The following EPM2AIP1 variants were observed in gnomAD, a reference collection of about 807,000 sequenced individuals.
The protein encoded by EPM2AIP1 is EPM2A interacting protein 1, also known as EPM2A-interacting protein 1.
In EPM2AIP1, 23 loss-of-function variants were observed where a neutral mutation model predicts 44.8. The ratio of observed to expected loss-of-function variants is 0.51; its 90% CI spans 0.37 to 0.73. The LOEUF (loss-of-function observed/expected upper bound fraction) is 0.73. Among genes scored for constraint, EPM2AIP1 ranks in the 30% least tolerant of loss-of-function variants. The pLI, the probability that EPM2AIP1 is intolerant of heterozygous loss-of-function variation, is 0.00. For synonymous variants in EPM2AIP1, 311 were observed against 284.3 expected (o/e 1.09, Z -0.94); for missense variants, 652 against 743.9 (o/e 0.88, Z 1.44).
rs909652115 is a variant in EPM2AIP1, at chr3:36,991,371, G to A, written c.1707C>T (p.His569=). ...KAFSYLTRNQ[H]TLSQPLTDEH... is the part of the protein sequence containing the mutation. ...CATCTGTTAATGGCTGACTCAAAGT[G>A]TGTTGGTTTCGAGTCAAATATGAAA... Residue 569 remains histidine (H), a synonymous_variant, in exon 1 of 1, where the codon CAC becomes CAT. Coordinates refer to ENST00000322716, the MANE Select transcript of EPM2AIP1 (RefSeq NM_014805.4). 6.2e-7 allele frequency: 1 copy of A among 1,614,024 alleles called. No homozygotes were observed. The highest frequency in any genetic ancestry group is 8.5e-7 in the Non-Finnish European group (1 of 1,179,898).
At position 36,985,148 on chromosome 3, in the gene EPM2AIP1, C is replaced by T. The variant is rs1014795854; in HGVS notation, c.*6106G>A. ...TGTGATGTAGTCACACAATGGAATA[C>T]TACACAGAAGTAAAACATGAACTGC... On this transcript the variant is annotated 3_prime_UTR_variant, in exon 1 of 1. Transcript: ENST00000322716. 18 of 152,188 alleles carry T rather than the reference C, an allele frequency of 1.2e-4. No homozygotes were observed. Among genetic ancestry groups the T allele is most frequent in the African/African-American group, 4.3e-4 (18 of 41,446 alleles). 9.4% of individuals were successfully genotyped at this position (152,188 alleles called of 1,614,324 possible). A position where few individuals can be genotyped will look rare whatever the true frequency, so the allele number is the denominator to read the frequency against.
chr3:36,992,851 G>C lies in EPM2AIP1; in HGVS notation c.227C>G (p.Ala76Gly), dbSNP rs1456896321. The C allele has an allele frequency of 6.2e-7, 1 of 1,610,628 alleles. No homozygotes were observed. The highest frequency in any genetic ancestry group is 2.2e-5 in the East Asian group (1 of 44,862). The change falls in exon 1 of 1, where the codon GCC becomes GGC. Residue 76 changes from alanine to glycine, a missense_variant. Physicochemically the swap from Ala to Gly is moderately conservative, Grantham distance 60. Coordinates refer to ENST00000322716, the MANE Select transcript of EPM2AIP1 (RefSeq NM_014805.4). The surrounding 1 kb of genome is among the most constrained non-coding windows in gnomAD (Gnocchi z 5.3). ...ERYVADGERA[A>G]LVERLRQGDL... ...GCCCTGACGCAGACGCTCCACCAGG[G>C]CCGCGCGCTCGCCGTCCGCCACATA... is the stretch of plus-strand genomic sequence containing the variant.
In EPM2AIP1 at chr3:36,990,375, C is replaced by T. The variant is rs1426135409; in HGVS notation, c.*879G>A. On this transcript the variant is annotated 3_prime_UTR_variant, in exon 1 of 1. Transcript: ENST00000322716. ...GACAAAAAAGCTAAAATATCTCACACCTCCTAATCCTGGAGTGCAATCTTT... is the reference window on the plus strand; with the variant it reads ...GACAAAAAAGCTAAAATATCTCACATCTCCTAATCCTGGAGTGCAATCTTT... 8 of 980,318 alleles carry T rather than the reference C, an allele frequency of 8.2e-6. No homozygotes were observed. In the South Asian group the frequency reaches 3.3e-4, roughly 41 times the overall value. The allele number at this position is 980,318 out of a possible 1,614,324, so 60.7% of individuals were successfully genotyped here. A position where few individuals can be genotyped will look rare whatever the true frequency, so the allele number is the denominator to read the frequency against.
Position 36,991,621 on chromosome 3 carries a change from T to C in EPM2AIP1, c.1457A>G (p.Glu486Gly). ...KDLRFIKKDL[E>G]LFSNPFNFKP... The stretch of plus-strand genomic sequence containing the variant: ...AAAGTTAAATGGATTTGAAAAAAGT[T>C]CTAAGTCCTTTTTAATGAACCTGAG... Residue 486 changes from glutamate (E) to glycine (G), a missense_variant, in exon 1 of 1, where the codon GAA becomes GGA. Transcript: ENST00000322716. 1.2e-6 allele frequency: 2 copies of C among 1,613,514 alleles called. No homozygotes were observed. The highest frequency in any genetic ancestry group is 1.7e-6 in the Non-Finnish European group (2 of 1,179,786).
chr3:36,992,986 G>C lies in EPM2AIP1; in HGVS notation c.92C>G (p.Pro31Arg), dbSNP rs766328262. 6.2e-7 allele frequency: 1 copy of C among 1,613,128 alleles called. No individual in the cohort carries two copies. The highest frequency in any genetic ancestry group is 1.1e-5 in the South Asian group (1 of 91,090). The change falls in exon 1 of 1, where the codon CCT becomes CGT. Residue 31 changes from proline (P) to arginine (R), a missense_variant. Pro to Arg is a moderately radical substitution (Grantham distance 103). Coordinates refer to ENST00000322716, the MANE Select transcript of EPM2AIP1 (RefSeq NM_014805.4). This position sits in a 1 kb window ranked among gnomAD's most constrained non-coding sequence, Gnocchi z 5.3. ...GCACAGGGCCCCATCGCCCTCCGGAGGCTCCACCACCAAATAACGCTGGGT... is the reference window on the plus strand; with the variant it reads ...GCACAGGGCCCCATCGCCCTCCGGACGCTCCACCACCAAATAACGCTGGGT... ...EWTQRYLVVE[P>R]PEGDGALCLV... is the part of the protein sequence containing the mutation.
rs763948684 is a variant in EPM2AIP1 at position 36,992,263 on chromosome 3, C to A, written c.815G>T (p.Cys272Phe). The A allele has an allele frequency of 7.4e-6, 12 of 1,613,992 alleles. No individual in the cohort carries two copies. Among genetic ancestry groups the A allele is most frequent in the Non-Finnish European group, 9.3e-6 (11 of 1,179,898 alleles). Residue 272 changes from cysteine (C) to phenylalanine (F), a missense_variant, in exon 1 of 1, where the codon TGT (cysteine) becomes TTT (phenylalanine). Cys to Phe is a radical substitution (Grantham distance 205). Transcript: ENST00000322716. This position sits in a 1 kb window ranked among gnomAD's most constrained non-coding sequence, Gnocchi z 5.3. ...TCCTGAATAATGAATGACATTCCAA[C>A]AGTTGGGGCTTACGGCCTTTTCTCT... ...YMREKAVSPN[C>F]WNVIHYSGFL...
Position 36,991,756 on chromosome 3 carries a change from A to T in EPM2AIP1, c.1322T>A (p.Val441Asp), listed in dbSNP as rs1485732313. ...LTDFPALREV[V>D]DELKQQNKED... is the part of the protein sequence containing the mutation. ...CTTATTTTGCTGTTTTAGCTCATCA[A>T]CAACTTCTCTGAGGGCAGGAAAGTC... Residue 441 changes from valine to aspartate, a missense_variant, in exon 1 of 1, where the codon GTT becomes GAT. Transcript: ENST00000322716. 6.2e-7 allele frequency: 1 copy of T among 1,613,844 alleles called. No homozygotes were observed. Among genetic ancestry groups the T allele is most frequent in the Non-Finnish European group, 8.5e-7 (1 of 1,179,874 alleles).
rs935037713 is a variant in EPM2AIP1, at chr3:36,985,749, A to T, written c.*5505T>A. Reference sequence around the variant, plus strand: ...GCACAAATTGGTGAACTTTCTCTGTAAAGGGCCACAGAATAAGTATTTTAG... The same window carrying T: ...GCACAAATTGGTGAACTTTCTCTGTTAAGGGCCACAGAATAAGTATTTTAG... On this transcript the variant is annotated 3_prime_UTR_variant, in exon 1 of 1. Coordinates refer to ENST00000322716, the MANE Select transcript of EPM2AIP1 (RefSeq NM_014805.4). The T allele has an allele frequency of 6.6e-6, 1 of 152,228 alleles. No individual in the cohort carries two copies. The highest frequency in any genetic ancestry group is 2.4e-5 in the African/African-American group (1 of 41,456). 9.4% of individuals were successfully genotyped at this position (152,228 alleles called of 1,614,324 possible). A position where few individuals can be genotyped will look rare whatever the true frequency, so the allele number is the denominator to read the frequency against.
At position 36,992,172 on chromosome 3, in the gene EPM2AIP1, G is replaced by A. The variant is rs1382923908; in HGVS notation, c.906C>T (p.Ser302=). ...VDVNQIINTI[S]EWIVLIKTRG... Reference sequence around the variant, plus strand: ...TGGTCTTAATCAAAACTATCCATTCGGATATGGTATTTATGATCTGATTAA... The same window carrying A: ...TGGTCTTAATCAAAACTATCCATTCAGATATGGTATTTATGATCTGATTAA... Residue 302 remains serine, a synonymous_variant, in exon 1 of 1, where the codon TCC becomes TCT. Coordinates refer to ENST00000322716, the MANE Select transcript of EPM2AIP1 (RefSeq NM_014805.4). The surrounding 1 kb of genome is among the most constrained non-coding windows in gnomAD (Gnocchi z 5.3). 3.1e-6 allele frequency: 5 copies of A among 1,613,776 alleles called. No individual in the cohort carries two copies. Among genetic ancestry groups the A allele is most frequent in the Middle Eastern group, 1.6e-4 (1 of 6,084 alleles).
chr3:36,986,557 G>A lies in EPM2AIP1; in HGVS notation c.*4697C>T, dbSNP rs910648647. On this transcript the variant is annotated 3_prime_UTR_variant, in exon 1 of 1. Coordinates refer to ENST00000322716, the MANE Select transcript of EPM2AIP1 (RefSeq NM_014805.4). ...ACATTTTGGGAGCCCGAGGCGGGCG[G>A]ACTGCTTGAGTCCAGGAATTCGAGA... The A allele has an allele frequency of 3.3e-5, 5 of 152,100 alleles. No homozygotes were observed. Among genetic ancestry groups the A allele is most frequent in the Admixed American group, 3.3e-4 (5 of 15,262 alleles). The allele number at this position is 152,100 out of a possible 1,614,324, so 9.4% of individuals were successfully genotyped here.
In EPM2AIP1 at chr3:36,992,386, A is replaced by G; in HGVS notation, c.692T>C (p.Leu231Pro). 6.2e-7 allele frequency: 1 copy of G among 1,613,968 alleles called. No individual in the cohort carries two copies. Among genetic ancestry groups the G allele is most frequent in the Non-Finnish European group, 8.5e-7 (1 of 1,179,882 alleles). ...GALMSAILES[L>P]QTAGLSLQRM... is the part of the protein sequence containing the mutation. ...CTGCAAGCTAAGCCCTGCTGTCTGC[A>G]GGGACTCTAGGATTGCCGACATGAG... The change falls in exon 1 of 1, where the codon CTG becomes CCG. Residue 231 changes from leucine to proline, a missense_variant. Transcript: ENST00000322716. This position sits in a 1 kb window ranked among gnomAD's most constrained non-coding sequence, Gnocchi z 5.3.
Position 36,989,910 on chromosome 3 carries a change from G to C in EPM2AIP1, c.*1344C>G, listed in dbSNP as rs2080792825. On this transcript the variant is annotated 3_prime_UTR_variant, in exon 1 of 1. Transcript: ENST00000322716. ...CCACCTAAATTCTTAGTCATAGCCTGGTTCCTTGAATTTGCTGGATTAGTA... is the reference window on the plus strand; with the variant it reads ...CCACCTAAATTCTTAGTCATAGCCTCGTTCCTTGAATTTGCTGGATTAGTA... 1 of 152,036 alleles carries C rather than the reference G, an allele frequency of 6.6e-6. No homozygotes were observed. Among genetic ancestry groups the C allele is most frequent in the East Asian group, 1.9e-4 (1 of 5,190 alleles). The allele number at this position is 152,036 out of a possible 1,614,324, so 9.4% of individuals were successfully genotyped here.
Position 36,990,993 on chromosome 3 carries a change from T to G in EPM2AIP1, c.*261A>C, listed in dbSNP as rs983891375. Reference sequence around the variant, plus strand: ...CAACTCACATTAATACTAAATCTCTTTAAAATTAACTATATCATAAAAGAC... The same window carrying G: ...CAACTCACATTAATACTAAATCTCTGTAAAATTAACTATATCATAAAAGAC... On this transcript the variant is annotated 3_prime_UTR_variant, in exon 1 of 1. Coordinates refer to ENST00000322716, the MANE Select transcript of EPM2AIP1 (RefSeq NM_014805.4). The G allele has an allele frequency of 9.0e-5, 102 of 1,139,008 alleles. No homozygotes were observed. Among genetic ancestry groups the G allele is most frequent in the Non-Finnish European group, 9.9e-5 (92 of 926,460 alleles). The allele number at this position is 1,139,008 out of a possible 1,614,324, so 70.6% of individuals were successfully genotyped here. A position where few individuals can be genotyped will look rare whatever the true frequency, so the allele number is the denominator to read the frequency against.
rs1297460277 is a variant in EPM2AIP1 at position 36,992,209 on chromosome 3, T to G, written c.869A>C (p.Tyr290Ser). ...GFLHLELLSS[Y>S]DVDVNQIINT... ...TATGATCTGATTAACATCTACATCA[T>G]AGGAGCTCAACAGTTCCAAGTGAAG... The change falls in exon 1 of 1, where the codon TAT becomes TCT. Residue 290 changes from tyrosine to serine, a missense_variant. Tyr to Ser is a moderately radical substitution (Grantham distance 144). Coordinates refer to ENST00000322716, the MANE Select transcript of EPM2AIP1 (RefSeq NM_014805.4). This position sits in a 1 kb window ranked among gnomAD's most constrained non-coding sequence, Gnocchi z 5.3. The G allele has an allele frequency of 1.2e-6, 2 of 1,614,030 alleles. No individual in the cohort carries two copies. Among genetic ancestry groups the G allele is most frequent in the Non-Finnish European group, 1.7e-6 (2 of 1,179,884 alleles).
In EPM2AIP1 at chr3:36,993,117, G is replaced by A. The variant is rs768968356; in HGVS notation, c.-40C>T. The A allele has an allele frequency of 1.0e-5, 16 of 1,559,606 alleles. No homozygotes were observed. In the East Asian group the frequency reaches 2.0e-4, roughly 20 times the overall value. ...CAAGAGCAGGGCCAACGTTAGAAAG[G>A]CCGCAAGGGGAGAGGAGGAGCCTGA... On this transcript the variant is annotated 5_prime_UTR_variant, in exon 1 of 1. Coordinates refer to ENST00000322716, the MANE Select transcript of EPM2AIP1 (RefSeq NM_014805.4).
rs995404726 is a variant in EPM2AIP1, at chr3:36,990,106, C to G, written c.*1148G>C. ...ATGGTGAACAGAAGTTTGGAAATTA[C>G]TGTTTTGGCACAAAGCAGATTATCT... is the stretch of plus-strand genomic sequence containing the variant. On this transcript the variant is annotated 3_prime_UTR_variant, in exon 1 of 1. Coordinates refer to ENST00000322716, the MANE Select transcript of EPM2AIP1 (RefSeq NM_014805.4). The G allele has an allele frequency of 6.6e-6, 1 of 152,234 alleles. No homozygotes were observed. 9.4% of individuals were successfully genotyped at this position (152,234 alleles called of 1,614,324 possible). A position where few individuals can be genotyped will look rare whatever the true frequency, so the allele number is the denominator to read the frequency against.
Position 36,985,430 on chromosome 3 carries a change from T to C in EPM2AIP1, c.*5824A>G, listed in dbSNP as rs2125686742. On this transcript the variant is annotated 3_prime_UTR_variant, in exon 1 of 1. Transcript: ENST00000322716. ...GTGTACACTTAATATCGGTACACTT[T>C]TAAATTTTACCTCAGTAACAAGTTG... The C allele has an allele frequency of 6.6e-6, 1 of 152,320 alleles. No homozygotes were observed. 9.4% of individuals were successfully genotyped at this position (152,320 alleles called of 1,614,324 possible).
chr3:36,992,165 T>C lies in EPM2AIP1; in HGVS notation c.913A>G (p.Ile305Val). The C allele has an allele frequency of 6.2e-7, 1 of 1,614,020 alleles. No homozygotes were observed. Among genetic ancestry groups the C allele is most frequent in the Non-Finnish European group, 8.5e-7 (1 of 1,179,884 alleles). Residue 305 changes from isoleucine (I) to valine (V), a missense_variant, in exon 1 of 1, where the codon ATA becomes GTA. Physicochemically the swap from Ile to Val is conservative, Grantham distance 29. Coordinates refer to ENST00000322716, the MANE Select transcript of EPM2AIP1 (RefSeq NM_014805.4). This position sits in a 1 kb window ranked among gnomAD's most constrained non-coding sequence, Gnocchi z 5.3. The stretch of plus-strand genomic sequence containing the variant: ...ACGCCTCTGGTCTTAATCAAAACTA[T>C]CCATTCGGATATGGTATTTATGATC... ...NQIINTISEWIVLIKTRGVRR... is the reference protein window; with the variant it reads ...NQIINTISEWVVLIKTRGVRR...
In EPM2AIP1 at chr3:36,987,429, TAA is replaced by T. The variant is rs10575530; in HGVS notation, c.*3823_*3824del. ...CTATATGTAGGTTCCTTTGGAAATT[TAA>T]AAAAAAAAAAAAAATATATATATAT... On this transcript the variant is annotated 3_prime_UTR_variant, in exon 1 of 1. Coordinates refer to ENST00000322716, the MANE Select transcript of EPM2AIP1 (RefSeq NM_014805.4). 0.56 allele frequency: 79,453 copies of T among 141,468 alleles called. 22,966 individuals carry two copies. Among genetic ancestry groups the T allele is most frequent in the East Asian group, 0.89 (4,378 of 4,900 alleles). 8.8% of individuals were successfully genotyped at this position (141,468 alleles called of 1,614,324 possible).
Sources: gnomAD v4.1 joint callset for allele counts on GRCh38, gnomAD v4.1.1 for gene constraint, Gnocchi (gnomAD v3.1) non-coding constraint, MANE v1.5 for transcripts, NCBI Gene and HGNC (gene_info 2026-07-23, HGNC 2026-07-21) for gene names.